Variants in MCPH1 observed in about 807,000 individuals in gnomAD.
The protein encoded by MCPH1 is microcephalin 1.
Under a neutral mutation model 84.5 loss-of-function variants are expected in MCPH1, and 104 were observed. The ratio of observed to expected loss-of-function variants is 1.23; its 90% CI spans 1.05 to 1.45. The LOEUF is 1.45. Among genes scored for constraint, MCPH1 ranks in the 40% most tolerant of loss-of-function variants. The pLI is 0.00. For missense variants in MCPH1, 1,498 were observed against 1,005.7 expected (o/e 1.49, Z -6.62); for synonymous variants, 514 against 366.8 (o/e 1.40, Z -4.58).
At chr8:6,424,228 G>T (rs1300238256) in intron 3 of MCPH1, among the ~76,000 whole-genome samples, 1 of 152,154 alleles carries the variant, frequency 6.6e-6, no homozygotes, top group South Asian at 2.1e-4. Context: ...TGAAATAAAG[G>T]TCAGCTTGGC....
At chr8:6,479,124 G>A (rs1381376303) in intron 10 of MCPH1, among the ~76,000 whole-genome samples, 2 of 152,234 alleles carry the variant, frequency 1.3e-5, no homozygotes, top group Non-Finnish European at 2.9e-5. Flanking sequence ...AAGTTAGCCA[G>A]ACTTGGTGGT....
intron 9 of MCPH1, among the ~76,000 whole-genome samples, chr8:6,460,010 T>G (rs1024276045): frequency 6.6e-6 from 1 of 152,202 alleles, no homozygotes; most frequent in Non-Finnish European, 1.5e-5. Flanking sequence ...CTCTCATCTT[T>G]GGTTTTCTGT....
chr8:6,407,393 G>A (rs1158143298), intron 1 of MCPH1, among the ~76,000 whole-genome samples: 3 of 152,056 alleles, frequency 2.0e-5, no homozygotes, highest in African/African-American at 7.2e-5. Context: ...ACGTTTAGGT[G>A]ACTCTCCCTG....
Position 6,527,629 on chromosome 8 carries a change from G to A in MCPH1, c.2214+27700G>A, listed in dbSNP as rs144373407. The A allele has an allele frequency of 3.0e-4, 483 of 1,613,844 alleles. No individual in the cohort carries two copies. The African/African-American group carries it at 5.9e-3, about 20-fold the overall frequency. On this transcript the variant is annotated intron_variant, in intron 12 of 13. Coordinates refer to ENST00000344683, the MANE Select transcript of MCPH1 (RefSeq NM_024596.5). ...GTTTTTCCAATTTGTTTGTCGAGAG[G>A]GAGTGTTCCAAGAGCTGAAGTTCAA... is the stretch of plus-strand genomic sequence containing the variant.
At chr8:6,495,879 G>C (rs747860869) in intron 11 of MCPH1, among the ~76,000 whole-genome samples, 16 of 152,148 alleles carry the variant, frequency 1.1e-4, no homozygotes, top group Non-Finnish European at 2.4e-4. Context: ...ACGACTGTGG[G>C]ACAAGTTTCT....
chr8:6,647,745 C>T lies in MCPH1; in HGVS notation c.*4696C>T, dbSNP rs935643587. ...AGGCACGAAACAGATTCATGGTCTG[C>T]TGCAGCTGGGGATGGGAGTGGGAAC... On this transcript the variant is annotated 3_prime_UTR_variant, in exon 14 of 14. Coordinates refer to ENST00000344683, the MANE Select transcript of MCPH1 (RefSeq NM_024596.5). The T allele has an allele frequency of 1.3e-5, 2 of 152,204 alleles. No homozygotes were observed. The highest frequency in any genetic ancestry group is 4.8e-5 in the African/African-American group (2 of 41,448). 9.4% of individuals were successfully genotyped at this position (152,204 alleles called of 1,614,324 possible).
At chr8:6,425,559 G>A (rs1800928859) in intron 3 of MCPH1, among the ~76,000 whole-genome samples, 1 of 152,170 alleles carries the variant, frequency 6.6e-6, no homozygotes, top group South Asian at 2.1e-4. Flanking sequence ...GCATCTCTGT[G>A]CACCTTACAT....
In MCPH1 at chr8:6,598,169, G is replaced by C. The variant is rs76976131; in HGVS notation, c.2215-23285G>C. 8.1e-3 allele frequency among the ~76,000 whole-genome samples: 1,234 copies of C among 152,320 alleles called. 10 individuals carry two copies. The highest frequency in any genetic ancestry group is 0.014 in the Non-Finnish European group (937 of 68,042). On this transcript the variant is annotated intron_variant, in intron 12 of 13. Transcript: ENST00000344683. ...AAGGGGATGCTTCTGGGAGGCAAAG[G>C]CGGTCAATCAGAGTGAGCACCAGAG...
intron 12 of MCPH1, among the ~76,000 whole-genome samples, chr8:6,530,662 C>T (rs1819318876): frequency 6.6e-6 from 1 of 151,918 alleles, no homozygotes; most frequent in African/African-American, 2.4e-5. Context: ...CCTTATGATC[C>T]GTTATGTAAA....
chr8:6,624,386 C>G (rs1052274007), intron 13 of MCPH1, among the ~76,000 whole-genome samples: 2 of 152,238 alleles, frequency 1.3e-5, no homozygotes, highest in Non-Finnish European at 2.9e-5. Flanking sequence ...TCGCCGGCCA[C>G]CAGACCCCAG....
At chr8:6,425,711 C>T (rs1297912264) in intron 3 of MCPH1, among the ~76,000 whole-genome samples, 1 of 152,206 alleles carries the variant, frequency 6.6e-6, no homozygotes, top group African/African-American at 2.4e-5. Context: ...TTAAAGAATA[C>T]TTACTGGTTT....
At position 6,627,333 on chromosome 8, in the gene MCPH1, G is replaced by A. The variant is rs570864288; in HGVS notation, c.2452+5642G>A. 6 of 974,928 alleles carry A rather than the reference G, an allele frequency of 6.2e-6. No homozygotes were observed. In the East Asian group the frequency reaches 4.6e-4, roughly 74 times the overall value. The allele number at this position is 974,928 out of a possible 1,614,324, so 60.4% of individuals were successfully genotyped here. A position where few individuals can be genotyped will look rare whatever the true frequency, so the allele number is the denominator to read the frequency against. On this transcript the variant is annotated intron_variant, in intron 13 of 13. Transcript: ENST00000344683. Reference sequence around the variant, plus strand: ...AAGCTGTGGAGAGTGGCAGAGAGGAGAGTGAGGACGGGGACTGCCCCCTTC... The same window carrying A: ...AAGCTGTGGAGAGTGGCAGAGAGGAAAGTGAGGACGGGGACTGCCCCCTTC...
intron 9 of MCPH1, among the ~76,000 whole-genome samples, chr8:6,464,940 A>T (rs1806688630): frequency 6.6e-6 from 1 of 152,068 alleles, no homozygotes; most frequent in African/African-American, 2.4e-5. Context: ...TAGAGGTTGC[A>T]GTGAGCCAAG....
At chr8:6,578,300 A>C (rs2129576880) in intron 12 of MCPH1, among the ~76,000 whole-genome samples, 1 of 152,340 alleles carries the variant, frequency 6.6e-6, no homozygotes, top group Admixed American at 6.5e-5. Context: ...TATCAATTCT[A>C]AACAGCATTT....
chr8:6,527,339 AG>A (rs1249147836), intron 12 of MCPH1, among the ~76,000 whole-genome samples: 4 of 152,256 alleles, frequency 2.6e-5, no homozygotes, highest in Admixed American at 1.3e-4. Flanking sequence ...TTAAGGGGCC[AG>A]GGAATGAAAG....
rs572422175 is a variant in MCPH1, at chr8:6,425,654, G to C, written c.234-5845G>C. On this transcript the variant is annotated intron_variant, in intron 3 of 13. Transcript: ENST00000344683. ...TCCACAACTGTATAACCTATGTCAG[G>C]CACACGTTTTCCTGGGTTGAATCAA... 3.3e-5 allele frequency among the ~76,000 whole-genome samples: 5 copies of C among 152,292 alleles called. No homozygotes were observed. In the East Asian group the frequency reaches 7.7e-4, roughly 24 times the overall value.
At chr8:6,504,097 T>C (rs1276395577) in intron 12 of MCPH1, among the ~76,000 whole-genome samples, 2 of 151,970 alleles carry the variant, frequency 1.3e-5, no homozygotes, top group African/African-American at 4.8e-5. Context: ...GGTGGGTGGA[T>C]CACGAGATCA....
Position 6,540,196 on chromosome 8 carries a change from A to G in MCPH1, c.2214+40267A>G, listed in dbSNP as rs1021247929. Reference sequence around the variant, plus strand: ...CTTTGCATTAATTTTTTTCACATATATTTGAATATATGTTTTTCCACATAT... The same window carrying G: ...CTTTGCATTAATTTTTTTCACATATGTTTGAATATATGTTTTTCCACATAT... On this transcript the variant is annotated intron_variant, in intron 12 of 13. Coordinates refer to ENST00000344683, the MANE Select transcript of MCPH1 (RefSeq NM_024596.5). 5.3e-5 allele frequency among the ~76,000 whole-genome samples: 8 copies of G among 152,094 alleles called. 1 individual carries two copies. The highest frequency in any genetic ancestry group is 1.9e-4 in the African/African-American group (8 of 41,406).
At chr8:6,467,396 T>G (rs946023440) in intron 9 of MCPH1, among the ~76,000 whole-genome samples, 18 of 152,218 alleles carry the variant, frequency 1.2e-4, no homozygotes, top group African/African-American at 4.3e-4. Flanking sequence ...TGCTATTTAT[T>G]TGCAATCTAG....
Sources: gnomAD v4.1 joint callset for allele counts (sites outside exome capture counted in the v4.1 genomes callset) on GRCh38, gnomAD v4.1.1 for gene constraint, MANE v1.5 for transcripts, NCBI Gene and HGNC (gene_info 2026-07-23, HGNC 2026-07-21) for gene names.